Variants in PCDHA10 observed in about 807,000 individuals in gnomAD.
PCDHA10 encodes the protein protocadherin alpha-10.
In PCDHA10, 45 loss-of-function variants were observed where a neutral mutation model predicts 61.2. That is an observed-to-expected ratio of 0.74 (90% CI 0.58 to 0.94). The LOEUF (loss-of-function observed/expected upper bound fraction) is 0.94, where lower values mean the gene tolerates loss of function less well. Ranked by LOEUF, PCDHA10 falls within the 40% of genes least tolerant of loss-of-function variation. PCDHA10 has a pLI of 0.00. For synonymous variants in PCDHA10, 602 were observed against 548.8 expected (o/e 1.10, Z -1.35); for missense variants, 1,278 against 1,236.2 (o/e 1.03, Z -0.51).
intron 1 of PCDHA10, among the ~76,000 whole-genome samples, chr5:140,947,885 A>G (rs2094188913): frequency 6.6e-6 from 1 of 151,584 alleles, no homozygotes; most frequent in Non-Finnish European, 1.5e-5. Context: ...AGGACAATAT[A>G]AACAGAAGTG....
intron 1 of PCDHA10, chr5:140,969,574 G>T (rs948199454): frequency 1.0e-6 from 1 of 983,446 alleles, no homozygotes; most frequent in Non-Finnish European, 1.5e-6. Context: ...TGTTTGAGAA[G>T]TGAGGATTAG....
chr5:140,903,415 A>T (rs1303652958), intron 1 of PCDHA10, among the ~76,000 whole-genome samples: 1 of 152,238 alleles, frequency 6.6e-6, no homozygotes, highest in East Asian at 1.9e-4. Flanking sequence ...GTCAGGAAAA[A>T]TTCAGCACAA....
intron 1 of PCDHA10, chr5:140,967,251 C>T: frequency 6.2e-7 from 1 of 1,613,408 alleles, no homozygotes; most frequent in Non-Finnish European, 8.5e-7. Context: ...GAATCGGTGG[C>T]GCCTGGAGCG....
intron 1 of PCDHA10, chr5:140,863,859 G>A (rs1448688968): frequency 1.7e-5 from 3 of 176,552 alleles, no homozygotes; most frequent in African/African-American, 4.8e-5. Flanking sequence ...AAATTAGCTG[G>A]GTGTGGTGGT....
intron 1 of PCDHA10, chr5:140,871,411 G>A: frequency 6.2e-7 from 1 of 1,614,056 alleles, no homozygotes; most frequent in Non-Finnish European, 8.5e-7. Flanking sequence ...GGACCTCATG[G>A]CCTTCAGCCC....
intron 1 of PCDHA10, among the ~76,000 whole-genome samples, chr5:140,902,858 C>T (rs1275375548): frequency 6.6e-6 from 1 of 152,110 alleles, no homozygotes; most frequent in African/African-American, 2.4e-5. Context: ...AAATGGCGTC[C>T]AGGTCCACCC....
chr5:140,950,919 T>TCCACA (rs1554219687), intron 1 of PCDHA10, among the ~76,000 whole-genome samples: 4 of 152,198 alleles, frequency 2.6e-5, no homozygotes, highest in African/African-American at 9.6e-5. Context: ...TTTATTTCAG[T>TCCACA]TCTTTTTCTT....
chr5:140,928,276 G>A (rs2153595075), intron 1 of PCDHA10: 2 of 1,614,172 alleles, frequency 1.2e-6, no homozygotes, highest in South Asian at 1.1e-5. Context: ...TGGCCCTGGG[G>A]CCTCTCTAGG....
intron 1 of PCDHA10, among the ~76,000 whole-genome samples, chr5:140,913,742 T>C (rs2153527691): frequency 6.6e-6 from 1 of 152,276 alleles, no homozygotes; most frequent in Non-Finnish European, 1.5e-5. Flanking sequence ...ATAGTACTCC[T>C]TTTGTTGTAT....
chr5:140,906,644 T>C (rs1167181721), intron 1 of PCDHA10, among the ~76,000 whole-genome samples: 3 of 152,232 alleles, frequency 2.0e-5, no homozygotes, highest in Admixed American at 6.5e-5. Flanking sequence ...CAGCAGGTAG[T>C]GGTTTTTTCC....
intron 1 of PCDHA10, among the ~76,000 whole-genome samples, chr5:140,874,104 A>G (rs251376): frequency 0.45 from 68,940 of 152,128 alleles, 15,928 homozygotes; most frequent in South Asian, 0.58. Context: ...GTTTTTAATT[A>G]CTTAACGTTT....
At chr5:140,896,116 A>G (rs2065393833) in intron 1 of PCDHA10, among the ~76,000 whole-genome samples, 1 of 152,044 alleles carries the variant, frequency 6.6e-6, no homozygotes, top group Admixed American at 6.6e-5. Context: ...TGGCCAATGT[A>G]CTGCATTTTA....
intron 3 of PCDHA10, among the ~76,000 whole-genome samples, chr5:141,003,459 GCAC>G (rs1442979686): frequency 6.6e-6 from 1 of 152,028 alleles, no homozygotes; most frequent in African/African-American, 2.4e-5. Context: ...TTACAGGCGT[GCAC>G]CACCACAGTC....
At chr5:141,001,097 T>TC (rs1554257999) in intron 3 of PCDHA10, among the ~76,000 whole-genome samples, 1 of 152,114 alleles carries the variant, frequency 6.6e-6, no homozygotes, top group Non-Finnish European at 1.5e-5. Flanking sequence ...AACTGTCTAA[T>TC]CCATAATAAG....
chr5:141,009,132 G>GA (rs1172401436), intron 3 of PCDHA10, among the ~76,000 whole-genome samples: 11 of 152,202 alleles, frequency 7.2e-5, no homozygotes, highest in African/African-American at 2.4e-4. Flanking sequence ...GTATCCTGGT[G>GA]AAAAAACCTG....
intron 1 of PCDHA10, among the ~76,000 whole-genome samples, chr5:140,909,546 A>T (rs1322878685): frequency 6.6e-6 from 1 of 152,180 alleles, no homozygotes; most frequent in African/African-American, 2.4e-5. Flanking sequence ...TGATGGTGGC[A>T]CTAATCTCTG....
chr5:140,884,304 C>T (rs1562802468), intron 1 of PCDHA10: 1 of 1,613,710 alleles, frequency 6.2e-7, no homozygotes, highest in East Asian at 2.2e-5. Context: ...CCACAGGCTT[C>T]GTCGAGGGCG....
chr5:140,977,359 A>G (rs1335405602), intron 1 of PCDHA10, among the ~76,000 whole-genome samples: 6 of 152,212 alleles, frequency 3.9e-5, no homozygotes, highest in Non-Finnish European at 8.8e-5. Context: ...TGATTGATAA[A>G]AAGTATTTTA....
At chr5:140,942,600 T>A (rs943278532) in intron 1 of PCDHA10, among the ~76,000 whole-genome samples, 2 of 132,144 alleles carry the variant, frequency 1.5e-5, no homozygotes, top group African/African-American at 6.2e-5. Flanking sequence ...ATAATTATAG[T>A]GTTTATATTT....
Sources: allele counts gnomAD v4.1 joint callset (sites outside exome capture counted in the v4.1 genomes callset), GRCh38; gene constraint gnomAD v4.1.1; transcripts MANE v1.5; gene names NCBI Gene and HGNC (gene_info 2026-07-23, HGNC 2026-07-21).